The following DOCK7 variants were observed in gnomAD, a reference collection of about 807,000 sequenced individuals.
DOCK7 encodes dedicator of cytokinesis 7.
Under a neutral mutation model 271.0 loss-of-function variants are expected in DOCK7, and 138 were observed. The ratio of observed to expected loss-of-function variants is 0.51; its 90% confidence interval spans 0.44 to 0.59. The LOEUF (loss-of-function observed/expected upper bound fraction) is 0.59, where lower values mean the gene tolerates loss of function less well. Among genes scored for constraint, DOCK7 ranks in the 20% least tolerant of loss-of-function variants. The pLI is 0.00. For synonymous variants in DOCK7, 823 were observed against 876.1 expected, an observed-to-expected ratio of 0.94 and a Z score of 1.07; for missense variants, 2,066 against 2,592.4, an observed-to-expected ratio of 0.80 and a Z score of 4.41.
chr1:62,663,379 T>C (rs1202865635), intron 1 of DOCK7, among the ~76,000 whole-genome samples: 3 of 152,154 alleles, frequency 2.0e-5, no homozygotes, highest in Admixed American at 6.5e-5. Context: ...TTTTCTTATA[T>C]GGCATTTTAG....
At chr1:62,643,860 T>C (rs1210585823) in intron 7 of DOCK7, among the ~76,000 whole-genome samples, 1 of 152,092 alleles carries the variant, frequency 6.6e-6, no homozygotes, top group East Asian at 1.9e-4. Context: ...TCTTCAGTTT[T>C]ATCTAATCTA....
chr1:62,486,271 T>C (rs1646290277), intron 43 of DOCK7: 1 of 152,056 alleles, frequency 6.6e-6, no homozygotes, highest in Non-Finnish European at 1.5e-5. Flanking sequence ...AAACAAGACT[T>C]GGGTACTATT....
chr1:62,519,006 TACACACAC>T (rs61224578), intron 31 of DOCK7, among the ~76,000 whole-genome samples: 1 of 148,130 alleles, frequency 6.8e-6, no homozygotes. Flanking sequence ...AGTCATGCTA[TACACACAC>T]ACACACACAC....
At chr1:62,607,362 T>A (rs1176509277) in intron 14 of DOCK7, among the ~76,000 whole-genome samples, 1 of 152,164 alleles carries the variant, frequency 6.6e-6, no homozygotes, top group Admixed American at 6.5e-5. Flanking sequence ...CCGGAAGACA[T>A]CTCTGGCTTT....
intron 14 of DOCK7, among the ~76,000 whole-genome samples, chr1:62,610,515 G>A (rs1177574749): frequency 1.3e-5 from 2 of 151,908 alleles, no homozygotes; most frequent in African/African-American, 2.4e-5. Flanking sequence ...TGCGCAGAAC[G>A]TGCAGTTTTG....
chr1:62,456,440 CTCCAGGAAAG>C (rs1483819561), intron 49 of DOCK7, among the ~76,000 whole-genome samples: 1 of 152,074 alleles, frequency 6.6e-6, no homozygotes, highest in Non-Finnish European at 1.5e-5. Flanking sequence ...GGCTTAATAT[CTCCAGGAAAG>C]GAAAAGGCCA....
intron 1 of DOCK7, among the ~76,000 whole-genome samples, chr1:62,670,404 A>G (rs1452520456): frequency 6.6e-6 from 1 of 152,182 alleles, no homozygotes; most frequent in Non-Finnish European, 1.5e-5. Context: ...GGGATTGTAA[A>G]TACACCAATC....
At chr1:62,457,502 G>A (rs200076889) in intron 49 of DOCK7, 36 bp downstream of exon 49, 461 of 1,587,622 alleles carry the variant, frequency 2.9e-4, no homozygotes, top group Non-Finnish European at 3.8e-4. Flanking sequence ...GGTTTCAGAG[G>A]AAAGAATATC....
intron 14 of DOCK7, among the ~76,000 whole-genome samples, chr1:62,616,761 G>A (rs920264923): frequency 1.6e-4 from 24 of 151,608 alleles, no homozygotes; most frequent in African/African-American, 4.8e-4. Context: ...ATGTCAACAC[G>A]AAATTTCAGA....
chr1:62,596,201 C>T (rs1286246437), intron 14 of DOCK7, among the ~76,000 whole-genome samples: 1 of 152,084 alleles, frequency 6.6e-6, no homozygotes, highest in Non-Finnish European at 1.5e-5. Flanking sequence ...TATCATAACA[C>T]TATGAATTAT....
intron 12 of DOCK7, among the ~76,000 whole-genome samples, chr1:62,624,923 G>C (rs1287625208): frequency 6.6e-6 from 1 of 151,540 alleles, no homozygotes; most frequent in African/African-American, 2.4e-5. Context: ...AGTGAGCCGA[G>C]ATCTGTCTCT....
intron 15 of DOCK7, chr1:62,584,706 G>T: frequency 8.2e-7 from 1 of 1,212,126 alleles, no homozygotes; most frequent in Non-Finnish European, 1.2e-6. Context: ...TCAAGATATA[G>T]ACATGAGTAA....
intron 31 of DOCK7, among the ~76,000 whole-genome samples, chr1:62,518,871 A>G (rs550189223): frequency 1.3e-5 from 2 of 152,310 alleles, no homozygotes; most frequent in Non-Finnish European, 2.9e-5. Flanking sequence ...AATGGATTAG[A>G]AACTCTAGTG....
At chr1:62,604,841 T>C in intron 14 of DOCK7, 1 of 1,600,406 alleles carries the variant, frequency 6.2e-7, no homozygotes, top group Non-Finnish European at 8.5e-7. Flanking sequence ...TAAAAGGCAA[T>C]AATTTAAACA....
In DOCK7 at chr1:62,631,228, A is replaced by G. The variant is rs369988812; in HGVS notation, c.1282+12T>C. ...TAAACATTTAGAAATGTTTTGTATG[A>G]AACACTCTTACCTCCAGTACTGATT... is the stretch of plus-strand genomic sequence containing the variant. On this transcript the variant is annotated intron_variant, in intron 11 of 49. Coordinates refer to ENST00000635253, the MANE Select transcript of DOCK7 (RefSeq NM_001367561.1). 45 of 1,568,568 alleles carry G rather than the reference A, an allele frequency of 2.9e-5. No individual in the cohort carries two copies. The Middle Eastern group carries it at 5.2e-4, about 18-fold the overall frequency.
chr1:62,504,844 AAT>A lies in DOCK7; in HGVS notation c.4612-64_4612-63del, dbSNP rs879085942. ...ACAGTAAAAGTTTCTGAGATATGTT[AAT>A]ATAACCTGAACTGGAGACTTGTTAG... On this transcript the variant is annotated intron_variant, in intron 36 of 49. Transcript: ENST00000635253. The A allele has an allele frequency of 4.5e-6, 7 of 1,566,584 alleles. No individual in the cohort carries two copies. The Admixed American group carries it at 1.3e-4, about 29-fold the overall frequency.
At chr1:62,461,206 T>A (rs1174798286) in intron 48 of DOCK7, among the ~76,000 whole-genome samples, 1 of 152,180 alleles carries the variant, frequency 6.6e-6, no homozygotes, top group African/African-American at 2.4e-5. Flanking sequence ...AAGAAAATGA[T>A]GTCCTCTCTA....
At chr1:62,494,131 T>A (rs184144783) in intron 40 of DOCK7, 144 bp downstream of exon 40, 5 of 652,034 alleles carry the variant, frequency 7.7e-6, no homozygotes, top group African/African-American at 5.5e-5. Context: ...TGACAATCAC[T>A]GTGAAATGTT....
At chr1:62,587,138 T>C (rs1647650901) in intron 14 of DOCK7, among the ~76,000 whole-genome samples, 1 of 152,010 alleles carries the variant, frequency 6.6e-6, no homozygotes, top group Non-Finnish European at 1.5e-5. Flanking sequence ...TACAATATGA[T>C]GGATATAATA....
Sources: gnomAD v4.1 joint callset for allele counts (sites outside exome capture counted in the v4.1 genomes callset) on GRCh38, gnomAD v4.1.1 for gene constraint, MANE v1.5 for transcripts, NCBI Gene and HGNC (gene_info 2026-07-23, HGNC 2026-07-21) for gene names.